Variants in PC observed in about 807,000 individuals in gnomAD.
PC encodes the protein pyruvate carboxylase, mitochondrial.
A neutral mutation model predicts 107.8 loss-of-function variants in PC; 46 were observed. The ratio of observed to expected loss-of-function variants is 0.43; its 90% confidence interval spans 0.34 to 0.55. The LOEUF (loss-of-function observed/expected upper bound fraction) is 0.55. Ranked by LOEUF, PC falls within the 20% of genes least tolerant of loss-of-function variation. PC has a pLI of 0.04. For synonymous variants in PC, 662 were observed against 684.7 expected, an observed-to-expected ratio of 0.97 and a Z score of 0.52; for missense variants, 1,241 against 1,643.1, an observed-to-expected ratio of 0.76 and a Z score of 4.23.
chr11:66,939,818 A>G (rs1949082770), intron 3 of PC, among the ~76,000 whole-genome samples: 1 of 150,404 alleles, frequency 6.6e-6, no homozygotes, highest in African/African-American at 2.4e-5. Context: ...AAAAAAAAAA[A>G]AAAAAAAACC....
intron 3 of PC, among the ~76,000 whole-genome samples, chr11:66,941,356 A>C (rs1949125368): frequency 6.6e-6 from 1 of 152,222 alleles, no homozygotes; most frequent in Non-Finnish European, 1.5e-5. Context: ...AAAGAACTGA[A>C]AGCAAAGTCT....
rs1426714448 is a variant in PC, at chr11:66,867,674, G to A, written c.1022+1172C>T. Among the ~76,000 whole-genome samples the A allele has an allele frequency of 2.6e-5, 4 of 152,330 alleles. No homozygotes were observed. In the South Asian group the frequency reaches 8.3e-4, roughly 32 times the overall value. On this transcript the variant is annotated intron_variant, in intron 10 of 22. Coordinates refer to ENST00000393960, the MANE Select transcript of PC (RefSeq NM_001040716.2). ...CGTGGCTTGGGACCTGAGAGCACCT[G>A]AGCCCCAATCTGTCTGACACAAAAC... is the stretch of plus-strand genomic sequence containing the variant.
At chr11:66,938,186 T>C (rs1224978737) in intron 3 of PC, among the ~76,000 whole-genome samples, 2 of 152,228 alleles carry the variant, frequency 1.3e-5, no homozygotes, top group African/African-American at 2.4e-5. Flanking sequence ...TCTTGTTTCT[T>C]TGCATGCCTC....
At chr11:66,864,038 T>G in intron 11 of PC, 82 bp from the exon 12 acceptor site, 1 of 1,386,368 alleles carries the variant, frequency 7.2e-7, no homozygotes, top group Non-Finnish European at 1.0e-6. Flanking sequence ...TGGCCAGGTG[T>G]GCACCCAGCA....
intron 3 of PC, among the ~76,000 whole-genome samples, chr11:66,951,040 C>T (rs557361566): frequency 3.1e-4 from 47 of 152,204 alleles, no homozygotes; most frequent in Admixed American, 2.4e-3. Context: ...AGCACGCAGA[C>T]GGCACCTGCT....
chr11:66,896,815 C>CTAT (rs1565270247), intron 3 of PC, among the ~76,000 whole-genome samples: 1 of 152,214 alleles, frequency 6.6e-6, no homozygotes, highest in East Asian at 1.9e-4. Context: ...CCTATATATA[C>CTAT]GCACATACAC....
chr11:66,885,508 G>T (rs1255325100), intron 3 of PC, among the ~76,000 whole-genome samples: 1 of 140,554 alleles, frequency 7.1e-6, no homozygotes, highest in Non-Finnish European at 1.5e-5. Context: ...AAAAAAAAAA[G>T]TGACCTTATT....
In PC at chr11:66,858,089, C is replaced by T. The variant is rs1945978771; in HGVS notation, c.1369-4706G>A. 1.2e-6 allele frequency: 2 copies of T among 1,609,154 alleles called. No homozygotes were observed. The highest frequency in any genetic ancestry group is 1.3e-5 in the African/African-American group (1 of 75,004). On this transcript the variant is annotated intron_variant, in intron 12 of 22. Transcript: ENST00000393960. This position sits in a 1 kb window ranked among gnomAD's most constrained non-coding sequence, Gnocchi z 5.9. ...GGCTGGTGGAGCTGGGCACCGGGAG[C>T]CTCCGGGGCCCCGTCAATCTGCAGC...
chr11:66,871,459 G>A lies in PC; in HGVS notation c.343C>T (p.His115Tyr). ...VAKENNVDAV[H>Y]PGYGFLSERA... ...TCAGAGAGGAACCCGTAGCCAGGGT[G>A]CACTGCATCTACGTTGTTCTCCTGC... Residue 115 changes from histidine (H) to tyrosine (Y), a missense_variant, in exon 6 of 23, where the codon CAC becomes TAC. By Grantham distance (83) the His-to-Tyr change is moderately conservative. Around this residue, in one of 2 missense-constraint regions of PC, gnomAD observed 1,143 missense variants for 1,551.9 expected, o/e 0.74. Coordinates refer to ENST00000393960, the MANE Select transcript of PC (RefSeq NM_001040716.2). The surrounding 1 kb of genome is among the most constrained non-coding windows in gnomAD (Gnocchi z 7.4). 6.2e-7 allele frequency: 1 copy of A among 1,613,430 alleles called. No homozygotes were observed. Among genetic ancestry groups the A allele is most frequent in the East Asian group, 2.2e-5 (1 of 44,876 alleles).
intron 3 of PC, among the ~76,000 whole-genome samples, chr11:66,882,445 C>T (rs1178960865): frequency 6.6e-6 from 1 of 152,188 alleles, no homozygotes; most frequent in African/African-American, 2.4e-5. Flanking sequence ...GGGCGGGTGG[C>T]CAGCAAGTTG....
chr11:66,849,156 A>G lies in PC; in HGVS notation c.3289-9T>C. 1.2e-6 allele frequency: 2 copies of G among 1,613,800 alleles called. No individual in the cohort carries two copies. Among genetic ancestry groups the G allele is most frequent in the Non-Finnish European group, 1.7e-6 (2 of 1,180,012 alleles). Reference sequence around the variant, plus strand: ...GGGTGGAAGTGCATCTCCTGAAGACACAGGGCAGAGGGGACATGACATCCT... The same window carrying G: ...GGGTGGAAGTGCATCTCCTGAAGACGCAGGGCAGAGGGGACATGACATCCT... On this transcript the variant is annotated splice_polypyrimidine_tract_variant and intron_variant, in intron 22 of 22. Coordinates refer to ENST00000393960, the MANE Select transcript of PC (RefSeq NM_001040716.2).
At chr11:66,905,759 C>T (rs1246569769) in intron 3 of PC, among the ~76,000 whole-genome samples, 4 of 152,140 alleles carry the variant, frequency 2.6e-5, no homozygotes, top group Non-Finnish European at 4.4e-5. Context: ...AGCTTGGCCT[C>T]AGCAAGGTGG....
chr11:66,852,866 T>G lies in PC; in HGVS notation c.1514-30A>C. On this transcript the variant is annotated intron_variant, in intron 13 of 22. Coordinates refer to ENST00000393960, the MANE Select transcript of PC (RefSeq NM_001040716.2). The surrounding 1 kb of genome is among the most constrained non-coding windows in gnomAD (Gnocchi z 4.7). Reference sequence around the variant, plus strand: ...GGAGAAAGCGGGCAGTGGGTCAGGGTGGGCTGGGCAGAGGCTGAGTCGAGG... The same window carrying G: ...GGAGAAAGCGGGCAGTGGGTCAGGGGGGGCTGGGCAGAGGCTGAGTCGAGG... 1 of 1,486,418 alleles carries G rather than the reference T, an allele frequency of 6.7e-7. No individual in the cohort carries two copies. Among genetic ancestry groups the G allele is most frequent in the Non-Finnish European group, 9.2e-7 (1 of 1,087,956 alleles). The allele number at this position is 1,486,418 out of a possible 1,614,324, so 92.1% of individuals were successfully genotyped here. A position where few individuals can be genotyped will look rare whatever the true frequency, so the allele number is the denominator to read the frequency against.
At chr11:66,914,278 G>A (rs1244849105) in intron 3 of PC, among the ~76,000 whole-genome samples, 3 of 152,096 alleles carry the variant, frequency 2.0e-5, no homozygotes, top group Admixed American at 6.5e-5. Context: ...TTGGGAGGCC[G>A]AGGTGGGCGG....
At chr11:66,941,153 A>T (rs1949120406) in intron 3 of PC, among the ~76,000 whole-genome samples, 1 of 151,804 alleles carries the variant, frequency 6.6e-6, no homozygotes, top group Non-Finnish European at 1.5e-5. Context: ...CTACAATGAG[A>T]TATCACCTCA....
chr11:66,901,219 C>T (rs1201076858), intron 3 of PC, among the ~76,000 whole-genome samples: 4 of 152,144 alleles, frequency 2.6e-5, no homozygotes, highest in Admixed American at 1.3e-4. Flanking sequence ...GGGCTGAGCC[C>T]TCTGGGTGGA....
chr11:66,853,862 TC>T (rs1455908422), intron 12 of PC, among the ~76,000 whole-genome samples: 1 of 152,198 alleles, frequency 6.6e-6, no homozygotes, highest in East Asian at 1.9e-4. Context: ...GTCCTCTTCC[TC>T]CCCAGCTCCT....
rs1190012166 is a variant in PC at position 66,857,746 on chromosome 11, T to C, written c.1369-4363A>G. 2.5e-6 allele frequency: 4 copies of C among 1,590,950 alleles called. No homozygotes were observed. Among genetic ancestry groups the C allele is most frequent in the Non-Finnish European group, 3.4e-6 (4 of 1,175,324 alleles). ...GCCCCTTCCTACAGGGCGCTCACCA[T>C]GGCCCCGCCGCTCCTGCTGCTGCTG... On this transcript the variant is annotated intron_variant, in intron 12 of 22. Coordinates refer to ENST00000393960, the MANE Select transcript of PC (RefSeq NM_001040716.2). This position sits in a 1 kb window ranked among gnomAD's most constrained non-coding sequence, Gnocchi z 7.1.
chr11:66,948,699 G>A (rs1472401514), intron 3 of PC, among the ~76,000 whole-genome samples: 1 of 152,084 alleles, frequency 6.6e-6, no homozygotes, highest in Non-Finnish European at 1.5e-5. Flanking sequence ...AATTAGCCGG[G>A]TGTGGTGGCT....
Sources: allele counts gnomAD v4.1 joint callset (sites outside exome capture counted in the v4.1 genomes callset), GRCh38; gene constraint gnomAD v4.1.1; regional missense constraint gnomAD v4.1.1; non-coding constraint Gnocchi (gnomAD v3.1); transcripts MANE v1.5; gene names NCBI Gene and HGNC (gene_info 2026-07-23, HGNC 2026-07-21).